RANBP3L: variants seen among roughly 807,000 people sequenced by gnomAD.
RANBP3L encodes the protein ran-binding protein 3-like.
In RANBP3L, 56 loss-of-function variants were observed where a neutral mutation model predicts 67.2. That is an observed-to-expected ratio of 0.83 (90% CI 0.67 to 1.04). RANBP3L has a LOEUF of 1.04. Among genes scored for constraint, RANBP3L ranks in the 50% least tolerant of loss-of-function variants. The pLI is 0.00. For missense variants in RANBP3L, 496 were observed against 535.5 expected (o/e 0.93, Z 0.73); for synonymous variants, 164 against 181.4 (o/e 0.90, Z 0.77).
chr5:36,255,719 C>T (rs1748926019), intron 10 of RANBP3L, 129 bp from the exon 11 acceptor site: 1 of 539,924 alleles, frequency 1.9e-6, no homozygotes, highest in Non-Finnish European at 3.1e-6. Flanking sequence ...GATTTATAAA[C>T]CAGCTTTTAA....
chr5:36,289,536 T>C (rs1008677320), intron 1 of RANBP3L, among the ~76,000 whole-genome samples: 17 of 152,160 alleles, frequency 1.1e-4, no homozygotes, highest in African/African-American at 4.1e-4. Flanking sequence ...GAATTTGGGA[T>C]GTATCTCTTC....
At chr5:36,264,710 A>G (rs1021124623) in intron 6 of RANBP3L, among the ~76,000 whole-genome samples, 2 of 152,264 alleles carry the variant, frequency 1.3e-5, no homozygotes, top group East Asian at 3.9e-4. Flanking sequence ...TTGCTCTGGC[A>G]CAAGACCCCC....
At chr5:36,256,755 A>G (rs1037342050) in intron 10 of RANBP3L, 186 bp downstream of exon 10, 24 of 579,980 alleles carry the variant, frequency 4.1e-5, no homozygotes, top group Non-Finnish European at 5.9e-5. Flanking sequence ...CCAGGTACAC[A>G]TACAAACACA....
intron 6 of RANBP3L, among the ~76,000 whole-genome samples, chr5:36,264,593 T>C (rs1253927740): frequency 6.6e-6 from 1 of 152,156 alleles, no homozygotes; most frequent in African/African-American, 2.4e-5. Flanking sequence ...AACGATACAC[T>C]GTGATGTTGA....
intron 1 of RANBP3L, among the ~76,000 whole-genome samples, chr5:36,294,745 T>C (rs1458538546): frequency 6.7e-6 from 1 of 150,260 alleles, no homozygotes; most frequent in Non-Finnish European, 1.5e-5. Context: ...TTTATATATA[T>C]ATATATGTAT....
chr5:36,270,822 A>G (rs944350858), intron 2 of RANBP3L, among the ~76,000 whole-genome samples: 2 of 152,228 alleles, frequency 1.3e-5, no homozygotes, highest in African/African-American at 4.8e-5. Flanking sequence ...TAGTCTTTCA[A>G]AACGAATGAT....
chr5:36,275,696 G>C (rs1044394294), intron 1 of RANBP3L, among the ~76,000 whole-genome samples: 3 of 152,110 alleles, frequency 2.0e-5, no homozygotes, highest in African/African-American at 7.2e-5. Flanking sequence ...GAAGCTGGGA[G>C]GCAGAAGGAC....
chr5:36,265,603 G>A (rs904138508), intron 4 of RANBP3L, 83 bp from the exon 5 acceptor site: 17 of 752,924 alleles, frequency 2.3e-5, no homozygotes, highest in Middle Eastern at 3.8e-4. Context: ...ATCCCATTCC[G>A]AACTCACCAG....
intron 1 of RANBP3L, among the ~76,000 whole-genome samples, chr5:36,279,019 AC>A (rs2111989357): frequency 6.6e-6 from 1 of 152,310 alleles, no homozygotes; most frequent in Non-Finnish European, 1.5e-5. Context: ...AAATTCCTCA[AC>A]AAAAATTTGA....
At chr5:36,296,806 A>T (rs915768403) in intron 1 of RANBP3L, among the ~76,000 whole-genome samples, 10 of 152,196 alleles carry the variant, frequency 6.6e-5, no homozygotes, top group Admixed American at 5.9e-4. Context: ...ATTGCCCTTC[A>T]TTAGTGAGTG....
chr5:36,290,833 G>A (rs1751689672), intron 1 of RANBP3L, among the ~76,000 whole-genome samples: 1 of 146,186 alleles, frequency 6.8e-6, no homozygotes, highest in Non-Finnish European at 1.5e-5. Context: ...CCGGGTTCAA[G>A]CGATTCTCCT....
chr5:36,251,561 T>G, intron 12 of RANBP3L, 62 bp from the exon 13 acceptor site: 1 of 1,341,214 alleles, frequency 7.5e-7, no homozygotes, highest in Non-Finnish European at 1.0e-6. Flanking sequence ...TTTTACAGAT[T>G]TTTAATCTTT....
At chr5:36,268,055 G>A (rs950656809) in intron 4 of RANBP3L, 2 of 465,472 alleles carry the variant, frequency 4.3e-6, no homozygotes, top group African/African-American at 2.0e-5. Flanking sequence ...GGTATTCTTC[G>A]ATGCATACTT....
chr5:36,251,087 G>A lies in RANBP3L; in HGVS notation c.1354+226C>T, dbSNP rs1368163529. Among the ~76,000 whole-genome samples the A allele has an allele frequency of 7.9e-5, 12 of 152,028 alleles. No homozygotes were observed. The East Asian group carries it at 2.1e-3, about 27-fold the overall frequency. ...TAATAGTTTTTTATGCAGTTTATAAGCAAATGACATAGGCATCACCATGAA... is the reference window on the plus strand; with the variant it reads ...TAATAGTTTTTTATGCAGTTTATAAACAAATGACATAGGCATCACCATGAA... On this transcript the variant is annotated intron_variant, in intron 13 of 13. Transcript: ENST00000296604.
Position 36,301,664 on chromosome 5 carries a change from CTTAA to C in RANBP3L, c.-252_-249del. Reference sequence around the variant, plus strand: ...CCAATTCATTTGGTTAAAAACACAACTTAATTCCTTCATTTCAAAACAAATTGAA... The same window carrying C: ...CCAATTCATTTGGTTAAAAACACAACTTCCTTCATTTCAAAACAAATTGAA... On this transcript the variant is annotated 5_prime_UTR_variant, in exon 1 of 14. The change creates a premature stop within an existing upstream ORF in the 5' untranslated region. Coordinates refer to ENST00000296604, the MANE Select transcript of RANBP3L (RefSeq NM_145000.5). The C allele has an allele frequency of 2.4e-6, 1 of 413,678 alleles. No homozygotes were observed. Among genetic ancestry groups the C allele is most frequent in the Non-Finnish European group, 4.4e-6 (1 of 228,448 alleles). 25.6% of individuals were successfully genotyped at this position (413,678 alleles called of 1,614,324 possible). A position where few individuals can be genotyped will look rare whatever the true frequency, so the allele number is the denominator to read the frequency against.
chr5:36,264,992 T>C lies in RANBP3L; in HGVS notation c.447A>G (p.Glu149=). 1 of 1,613,722 alleles carries C rather than the reference T, an allele frequency of 6.2e-7. No homozygotes were observed. Among genetic ancestry groups the C allele is most frequent in the Non-Finnish European group, 8.5e-7 (1 of 1,179,798 alleles). ...TTGTTTTTTCTTTAGTCTTGCAAGATTCCAGTGCCTTGTGTCCAAATGTTT... is the reference window on the plus strand; with the variant it reads ...TTGTTTTTTCTTTAGTCTTGCAAGACTCCAGTGCCTTGTGTCCAAATGTTT... ...VRKTFGHKAL[E]SCKTKEKTNN... The change falls in exon 6 of 14, where the codon GAA becomes GAG. Residue 149 remains glutamate, a synonymous_variant. Coordinates refer to ENST00000296604, the MANE Select transcript of RANBP3L (RefSeq NM_145000.5).
In RANBP3L at chr5:36,260,825, G is replaced by T; in HGVS notation, c.624C>A (p.Cys208Ter). The T allele has an allele frequency of 6.4e-7, 1 of 1,560,658 alleles. No individual in the cohort carries two copies. The highest frequency in any genetic ancestry group is 8.8e-7 in the Non-Finnish European group (1 of 1,137,294). Residue 208 changes from cysteine to a stop codon, truncating the protein, a stop_gained, in exon 8 of 14, where the codon TGC becomes TGA. Transcript: ENST00000296604. LOFTEE classifies it high-confidence loss of function. ...TTTCTCCAAAAACAAAATTGGAACT[G>T]CAGCTTTTAAAAGAACATTTATCTT... ...PNEDKCSFKS[C>*]SSNFVFGENM...
At chr5:36,252,679 G>T (rs745868899) in intron 12 of RANBP3L, among the ~76,000 whole-genome samples, 1 of 152,076 alleles carries the variant, frequency 6.6e-6, no homozygotes, top group Non-Finnish European at 1.5e-5. Flanking sequence ...ATCTAGTCAT[G>T]TTTAACAGGC....
chr5:36,265,855 T>C (rs1425152621), intron 4 of RANBP3L, among the ~76,000 whole-genome samples: 1 of 151,328 alleles, frequency 6.6e-6, no homozygotes, highest in Non-Finnish European at 1.5e-5. Context: ...CAGGTGCCTG[T>C]AATCCCAGCT....
Sources: allele counts gnomAD v4.1 joint callset (sites outside exome capture counted in the v4.1 genomes callset), GRCh38; gene constraint gnomAD v4.1.1; transcripts MANE v1.5; gene names NCBI Gene and HGNC (gene_info 2026-07-23, HGNC 2026-07-21).